Variants in CNTN5 observed in about 807,000 individuals in gnomAD.
The protein encoded by CNTN5 is contactin 5, also known as contactin-5.
CNTN5 carries 77 observed loss-of-function variants against 129.1 expected under a neutral mutation model. That is an observed-to-expected ratio of 0.60 (90% confidence interval 0.50 to 0.72). The LOEUF (loss-of-function observed/expected upper bound fraction) is 0.72, where lower values mean the gene tolerates loss of function less well. CNTN5 is among the 30% of genes least tolerant of loss of function. The pLI is 0.00. For synonymous variants in CNTN5, 509 were observed against 465.6 expected, an observed-to-expected ratio of 1.09 and a Z score of -1.20; for missense variants, 1,478 against 1,328.8, an observed-to-expected ratio of 1.11 and a Z score of -1.75.
intron 3 of CNTN5, among the ~76,000 whole-genome samples, chr11:99,632,489 A>T (rs665097): frequency 0.6 from 91,644 of 151,842 alleles, 28,480 homozygotes; most frequent in Admixed American, 0.69. Flanking sequence ...CAGAAATCTA[A>T]GGGTTGTGTC....
chr11:99,889,032 A>T (rs192001648), intron 6 of CNTN5, among the ~76,000 whole-genome samples: 9 of 152,262 alleles, frequency 5.9e-5, no homozygotes, highest in African/African-American at 2.2e-4. Context: ...TACCATCATC[A>T]TCATCATCAT....
intron 13 of CNTN5, among the ~76,000 whole-genome samples, chr11:100,136,636 G>A (rs1946533754): frequency 6.6e-6 from 1 of 151,746 alleles, no homozygotes; most frequent in Admixed American, 6.6e-5. Flanking sequence ...AATATCACAA[G>A]TGTGTTCACA....
At chr11:99,289,106 T>C (rs1864062040) in intron 1 of CNTN5, among the ~76,000 whole-genome samples, 1 of 151,836 alleles carries the variant, frequency 6.6e-6, no homozygotes, top group Non-Finnish European at 1.5e-5. Flanking sequence ...TAATAAACAC[T>C]TAGAGTTAGT....
At chr11:99,403,151 C>T (rs11522686) in intron 2 of CNTN5, among the ~76,000 whole-genome samples, 113,135 of 151,688 alleles carry the variant, frequency 0.75, 43,044 homozygotes, top group African/African-American at 0.9. Flanking sequence ...GGACTACAGG[C>T]GCCTACCACC....
intron 1 of CNTN5, among the ~76,000 whole-genome samples, chr11:99,185,283 A>G (rs945489221): frequency 3.9e-4 from 9 of 23,110 alleles, no homozygotes; most frequent in Admixed American, 1.5e-3. Flanking sequence ...ATCGATAACT[A>G]AAGATTTTTT....
intron 1 of CNTN5, among the ~76,000 whole-genome samples, chr11:99,068,504 A>C (rs1449512148): frequency 6.6e-6 from 1 of 152,182 alleles, no homozygotes; most frequent in Non-Finnish European, 1.5e-5. Context: ...TAGGGGATAC[A>C]ATCTATTGGA....
intron 3 of CNTN5, among the ~76,000 whole-genome samples, chr11:99,721,608 G>A (rs1487812997): frequency 4.6e-5 from 7 of 152,030 alleles, no homozygotes; most frequent in South Asian, 2.1e-4. Context: ...AAAAGCAATC[G>A]TAACAAAAGT....
At chr11:99,176,221 T>G (rs1471756055) in intron 1 of CNTN5, among the ~76,000 whole-genome samples, 3 of 152,188 alleles carry the variant, frequency 2.0e-5, no homozygotes, top group African/African-American at 7.2e-5. Context: ...CCATTCTTTT[T>G]TTTTCTTCCT....
chr11:99,285,729 G>GA (rs1863909177), intron 1 of CNTN5, among the ~76,000 whole-genome samples: 1 of 152,032 alleles, frequency 6.6e-6, no homozygotes, highest in Non-Finnish European at 1.5e-5. Context: ...TCATAGTAAT[G>GA]AAAAATGCAT....
intron 6 of CNTN5, among the ~76,000 whole-genome samples, chr11:99,896,103 C>G (rs117548895): frequency 6.6e-6 from 1 of 152,146 alleles, no homozygotes; most frequent in Non-Finnish European, 1.5e-5. Context: ...GCTGCCTTCA[C>G]TCCTCCTGTC....
chr11:99,912,015 C>T (rs927170563), intron 6 of CNTN5, among the ~76,000 whole-genome samples: 1 of 151,980 alleles, frequency 6.6e-6, no homozygotes, highest in African/African-American at 2.4e-5. Context: ...ACCTAGAATT[C>T]CTCAACTATT....
chr11:99,585,071 T>G (rs776726315), intron 3 of CNTN5, among the ~76,000 whole-genome samples: 28 of 152,196 alleles, frequency 1.8e-4, no homozygotes, highest in Non-Finnish European at 2.8e-4. Flanking sequence ...TGCAATTCAG[T>G]GGACACATAT....
intron 1 of CNTN5, among the ~76,000 whole-genome samples, chr11:99,251,709 T>C (rs1251062724): frequency 6.6e-6 from 1 of 151,988 alleles, no homozygotes. Context: ...ATATGTAGCC[T>C]AATAATCCAA....
At position 99,645,539 on chromosome 11, in the gene CNTN5, G is replaced by C. The variant is rs532839023; in HGVS notation, c.55+89270G>C. On this transcript the variant is annotated intron_variant, in intron 3 of 24. Transcript: ENST00000524871. ...GCACTGTTCACAGTAACAAACACTT[G>C]GAACCAACCCAAATGTCCATTAATG... is the stretch of plus-strand genomic sequence containing the variant. Among the ~76,000 whole-genome samples, 126 of 151,946 alleles carry C rather than the reference G, an allele frequency of 8.3e-4. 1 individual carries two copies. The highest frequency in any genetic ancestry group is 2.8e-3 in the African/African-American group (116 of 41,444).
At chr11:99,149,216 G>A (rs1389149597) in intron 1 of CNTN5, among the ~76,000 whole-genome samples, 1 of 152,138 alleles carries the variant, frequency 6.6e-6, no homozygotes, top group African/African-American at 2.4e-5. Flanking sequence ...ACTGCAGTGT[G>A]TGGGGTTACA....
chr11:100,009,254 G>A (rs1429679472), intron 9 of CNTN5, among the ~76,000 whole-genome samples: 2 of 152,192 alleles, frequency 1.3e-5, no homozygotes, highest in East Asian at 3.9e-4. Context: ...CTCAACAAGA[G>A]TGTACTAGTT....
chr11:99,870,028 C>T lies in CNTN5; in HGVS notation c.577+24766C>T, dbSNP rs78173903. Among the ~76,000 whole-genome samples, 110 of 152,234 alleles carry T rather than the reference C, an allele frequency of 7.2e-4. 1 individual carries two copies. The East Asian group carries it at 0.015, about 20-fold the overall frequency. The stretch of plus-strand genomic sequence containing the variant: ...CATGCCACCTAATTAAAAGGCACCA[C>T]TCTCAGTGGTAGGCACACTAATACA... On this transcript the variant is annotated intron_variant, in intron 6 of 24. Transcript: ENST00000524871.
At chr11:99,859,408 C>G (rs1162829437) in intron 6 of CNTN5, among the ~76,000 whole-genome samples, 7 of 152,036 alleles carry the variant, frequency 4.6e-5, no homozygotes, top group African/African-American at 9.7e-5. Flanking sequence ...GGTTTGTTAC[C>G]TGGGTACATT....
At chr11:99,529,533 A>G (rs1947618230) in intron 2 of CNTN5, among the ~76,000 whole-genome samples, 1 of 152,188 alleles carries the variant, frequency 6.6e-6, no homozygotes, top group Admixed American at 6.5e-5. Context: ...GACATAAGGA[A>G]TTTTTATATT....
Sources: gnomAD v4.1 joint callset for allele counts (sites outside exome capture counted in the v4.1 genomes callset) on GRCh38, gnomAD v4.1.1 for gene constraint, MANE v1.5 for transcripts, NCBI Gene and HGNC (gene_info 2026-07-23, HGNC 2026-07-21) for gene names.